ADAM12: variants seen among roughly 807,000 people sequenced by gnomAD.
ADAM12 encodes ADAM metallopeptidase domain 12, also known as disintegrin and metalloproteinase domain-containing protein 12.
Under a neutral mutation model 106.4 loss-of-function variants are expected in ADAM12, and 70 were observed. That is an observed-to-expected ratio of 0.66 (90% confidence interval 0.54 to 0.80). ADAM12 has a LOEUF of 0.80. Among genes scored for constraint, ADAM12 ranks in the 30% least tolerant of loss-of-function variants. The pLI, the probability that ADAM12 is intolerant of heterozygous loss-of-function variation, is 0.00. For synonymous variants in ADAM12, 420 were observed against 433.5 expected (o/e 0.97, Z 0.39); for missense variants, 1,010 against 1,171.9 (o/e 0.86, Z 2.02).
intron 1 of ADAM12, among the ~76,000 whole-genome samples, chr10:126,331,784 G>A (rs941246413): frequency 6.6e-6 from 1 of 152,206 alleles, no homozygotes; most frequent in African/African-American, 2.4e-5. Flanking sequence ...TGGATGGGCT[G>A]AGTCTTCAGG....
intron 3 of ADAM12, among the ~76,000 whole-genome samples, chr10:126,270,663 G>A (rs932228541): frequency 3.9e-5 from 6 of 152,152 alleles, no homozygotes; most frequent in East Asian, 1.9e-4. Flanking sequence ...TAGCGGTGGC[G>A]CCAGGCATTG....
chr10:126,267,968 A>T (rs982569427), intron 3 of ADAM12, among the ~76,000 whole-genome samples: 8 of 152,154 alleles, frequency 5.3e-5, no homozygotes, highest in African/African-American at 1.9e-4. Flanking sequence ...GGCAAAATAC[A>T]CATAACATAA....
At chr10:126,371,570 C>T (rs896455931) in intron 1 of ADAM12, among the ~76,000 whole-genome samples, 11 of 152,172 alleles carry the variant, frequency 7.2e-5, no homozygotes, top group African/African-American at 2.2e-4. Context: ...CTGTCAGATT[C>T]TGGATGTTCT....
chr10:126,214,245 T>C lies in ADAM12; in HGVS notation c.261-58940A>G, dbSNP rs575452834. 3.3e-5 allele frequency among the ~76,000 whole-genome samples: 5 copies of C among 152,338 alleles called. No individual in the cohort carries two copies. The South Asian group carries it at 6.2e-4, about 19-fold the overall frequency. Reference sequence around the variant, plus strand: ...ACCAGATGCAGAATGACAAGGATTATGTGGTCACATCCTGGCTCGACCCTT... The same window carrying C: ...ACCAGATGCAGAATGACAAGGATTACGTGGTCACATCCTGGCTCGACCCTT... On this transcript the variant is annotated intron_variant, in intron 3 of 22. Transcript: ENST00000448723.
intron 2 of ADAM12, among the ~76,000 whole-genome samples, chr10:126,323,476 C>A (rs944699434): frequency 6.6e-6 from 1 of 152,076 alleles, no homozygotes; most frequent in Non-Finnish European, 1.5e-5. Context: ...CCCAGAGTTG[C>A]CAAAAGGAGG....
At chr10:126,054,410 C>T (rs1399682560) in intron 14 of ADAM12, among the ~76,000 whole-genome samples, 1 of 152,254 alleles carries the variant, frequency 6.6e-6, no homozygotes, top group East Asian at 1.9e-4. Context: ...GCCTTCCCAC[C>T]TGCTCTGCGA....
At chr10:126,278,629 G>A (rs1437216156) in intron 3 of ADAM12, among the ~76,000 whole-genome samples, 4 of 152,062 alleles carry the variant, frequency 2.6e-5, no homozygotes, top group Non-Finnish European at 4.4e-5. Flanking sequence ...GAACAGTACA[G>A]GGATGCTTAA....
chr10:126,247,488 T>C (rs1479015554), intron 3 of ADAM12, among the ~76,000 whole-genome samples: 1 of 152,204 alleles, frequency 6.6e-6, no homozygotes, highest in East Asian at 1.9e-4. Flanking sequence ...TCAACAATTA[T>C]TGTTAGATAT....
chr10:126,150,151 ATTG>A (rs1426746041), intron 4 of ADAM12, among the ~76,000 whole-genome samples: 13 of 152,202 alleles, frequency 8.5e-5, no homozygotes. Context: ...ACCGGAGCCT[ATTG>A]TTGTGGTATT....
At chr10:126,134,057 A>C (rs1263360826) in intron 5 of ADAM12, among the ~76,000 whole-genome samples, 1 of 152,224 alleles carries the variant, frequency 6.6e-6, no homozygotes, top group Non-Finnish European at 1.5e-5. Flanking sequence ...CCCAGAACCT[A>C]GAACAGAACT....
At chr10:126,197,159 G>A (rs956529196) in intron 3 of ADAM12, among the ~76,000 whole-genome samples, 2 of 152,200 alleles carry the variant, frequency 1.3e-5, no homozygotes, top group African/African-American at 2.4e-5. Context: ...ATGGCTAGGT[G>A]AGGAGCTATT....
chr10:126,192,123 T>A (rs1957513483), intron 3 of ADAM12, among the ~76,000 whole-genome samples: 1 of 152,220 alleles, frequency 6.6e-6, no homozygotes, highest in Non-Finnish European at 1.5e-5. Context: ...CAATTTGACA[T>A]AAGATTTGGG....
chr10:126,043,934 G>A lies in ADAM12; in HGVS notation c.1996-786C>T, dbSNP rs1158659278. ...AGGAGGCTGTGCTTCACCCTTGTTGGGCCCAGCTCATAGACCAGAGCATTC... is the reference window on the plus strand; with the variant it reads ...AGGAGGCTGTGCTTCACCCTTGTTGAGCCCAGCTCATAGACCAGAGCATTC... On this transcript the variant is annotated intron_variant, in intron 17 of 22. Coordinates refer to ENST00000448723, the MANE Select transcript of ADAM12 (RefSeq NM_001288973.2). The surrounding 1 kb of genome is among the most constrained non-coding windows in gnomAD (Gnocchi z 4.1). Among the ~76,000 whole-genome samples the A allele has an allele frequency of 6.6e-6, 1 of 152,064 alleles. No homozygotes were observed. The highest frequency in any genetic ancestry group is 1.5e-5 in the Non-Finnish European group (1 of 68,010).
Position 126,345,034 on chromosome 10 carries a change from G to T in ADAM12, c.89-14525C>A, listed in dbSNP as rs567381835. Among the ~76,000 whole-genome samples, 11 of 152,190 alleles carry T rather than the reference G, an allele frequency of 7.2e-5. No individual in the cohort carries two copies. The South Asian group carries it at 2.3e-3, about 32-fold the overall frequency. ...CTTTATTTCTTTCTCCTGCCTGATTGCCCTGGCCAGAACTTCCAACACTAT... is the reference window on the plus strand; with the variant it reads ...CTTTATTTCTTTCTCCTGCCTGATTTCCCTGGCCAGAACTTCCAACACTAT... On this transcript the variant is annotated intron_variant, in intron 1 of 22. Coordinates refer to ENST00000448723, the MANE Select transcript of ADAM12 (RefSeq NM_001288973.2).
chr10:126,177,832 T>A (rs1957246341), intron 3 of ADAM12, among the ~76,000 whole-genome samples: 1 of 152,182 alleles, frequency 6.6e-6, no homozygotes, highest in South Asian at 2.1e-4. Flanking sequence ...AAGTCCTTCT[T>A]CACTATCAGG....
At chr10:126,047,118 A>G (rs1185282326) in intron 16 of ADAM12, among the ~76,000 whole-genome samples, 4 of 152,258 alleles carry the variant, frequency 2.6e-5, no homozygotes, top group Non-Finnish European at 5.9e-5. Context: ...TCAAATGTGC[A>G]TAATATACTC....
chr10:126,086,663 AAAAAAAAAAAAAAAAAAATATATAT>A (rs1283169859), intron 11 of ADAM12, among the ~76,000 whole-genome samples: 3 of 52,954 alleles, frequency 5.7e-5, no homozygotes, highest in Non-Finnish European at 8.9e-5. Flanking sequence ...AAAAAAAAAA[AAAAAAAAAAAAAAAAAAATATATAT>A]ATATATATAT....
chr10:126,233,750 C>A (rs553531868), intron 3 of ADAM12, among the ~76,000 whole-genome samples: 1 of 152,248 alleles, frequency 6.6e-6, no homozygotes, highest in South Asian at 2.1e-4. Flanking sequence ...TCCCTCCACT[C>A]GCATATTTTA....
chr10:126,189,255 C>A (rs912151782), intron 3 of ADAM12, among the ~76,000 whole-genome samples: 1 of 152,100 alleles, frequency 6.6e-6, no homozygotes, highest in Non-Finnish European at 1.5e-5. Context: ...GTGGGAACAG[C>A]ACGTGGAAAG....
Sources: gnomAD v4.1 joint callset for allele counts (sites outside exome capture counted in the v4.1 genomes callset) on GRCh38, gnomAD v4.1.1 for gene constraint, Gnocchi (gnomAD v3.1) non-coding constraint, MANE v1.5 for transcripts, NCBI Gene and HGNC (gene_info 2026-07-23, HGNC 2026-07-21) for gene names.